Variants in TBC1D1 observed in about 807,000 individuals in gnomAD.
TBC1D1 encodes the protein TBC1 domain family member 1.
TBC1D1 carries 89 observed loss-of-function variants against 125.6 expected under a neutral mutation model. The ratio of observed to expected loss-of-function variants is 0.71; its 90% CI spans 0.60 to 0.85. The LOEUF (loss-of-function observed/expected upper bound fraction) is 0.85, where lower values mean the gene tolerates loss of function less well. Among genes scored for constraint, TBC1D1 ranks in the 40% least tolerant of loss-of-function variants. TBC1D1 has a pLI of 0.00. For missense variants in TBC1D1, 1,377 were observed against 1,469.2 expected (o/e 0.94, Z 1.03); for synonymous variants, 565 against 564.1 (o/e 1.00, Z -0.02).
chr4:38,015,954 G>A (rs1742627759), intron 3 of TBC1D1, among the ~76,000 whole-genome samples: 1 of 152,086 alleles, frequency 6.6e-6, no homozygotes, highest in Admixed American at 6.6e-5. Context: ...GCTTTAATTT[G>A]TGATCTGCAT....
intron 2 of TBC1D1, among the ~76,000 whole-genome samples, chr4:38,003,942 G>A (rs1560600669): frequency 6.6e-6 from 1 of 151,652 alleles, no homozygotes; most frequent in Non-Finnish European, 1.5e-5. Context: ...TTTATTGGGA[G>A]CTATTATAGG....
chr4:38,096,011 G>T lies in TBC1D1; in HGVS notation c.2319G>T (p.Val773=), dbSNP rs765004843. The stretch of plus-strand genomic sequence containing the variant: ...CCTGTCTTAAAGAAGTAACTACAGT[G>T]TGGGAAAAGATGCTTAGCACTCCAG... The change falls in exon 14 of 20, where the codon GTG becomes GTT. Residue 773 remains valine, a synonymous_variant. Coordinates refer to ENST00000261439, the MANE Select transcript of TBC1D1 (RefSeq NM_015173.4). 9 of 1,614,104 alleles carry T rather than the reference G, an allele frequency of 5.6e-6. No homozygotes were observed. The highest frequency in any genetic ancestry group is 1.7e-4 in the Middle Eastern group (1 of 6,060).
chr4:38,028,926 C>A (rs148179930), intron 7 of TBC1D1, among the ~76,000 whole-genome samples: 452 of 152,220 alleles, frequency 3.0e-3, no homozygotes, highest in African/African-American at 0.01. Context: ...TACTTGGAAC[C>A]TGATAATATA....
intron 2 of TBC1D1, among the ~76,000 whole-genome samples, chr4:37,978,542 CTGTT>C (rs762989813): frequency 6.6e-6 from 1 of 152,116 alleles, no homozygotes; most frequent in Non-Finnish European, 1.5e-5. Context: ...TTATGAATAC[CTGTT>C]TGTGAGCAGG....
chr4:37,898,886 C>T (rs116409811), intron 1 of TBC1D1, among the ~76,000 whole-genome samples: 1,616 of 152,222 alleles, frequency 0.011, 28 homozygotes, highest in African/African-American at 0.037. Context: ...AACGGGGAAC[C>T]ATAACTAGTT....
intron 2 of TBC1D1, among the ~76,000 whole-genome samples, chr4:37,957,194 G>A (rs11947030): frequency 0.63 from 96,068 of 152,058 alleles, 31,174 homozygotes; most frequent in East Asian, 0.96. Context: ...TGTGGCAGAC[G>A]TATCTCTTCC....
intron 12 of TBC1D1, among the ~76,000 whole-genome samples, chr4:38,075,556 G>T (rs1433700642): frequency 6.6e-6 from 1 of 152,150 alleles, no homozygotes; most frequent in Admixed American, 6.5e-5. Context: ...TCATCTTGAG[G>T]ACTTCCCCAT....
rs1192061979 is a variant in TBC1D1, at chr4:38,014,461, G to T, written c.418-48G>T. 2 of 1,571,248 alleles carry T rather than the reference G, an allele frequency of 1.3e-6. No homozygotes were observed. Among genetic ancestry groups the T allele is most frequent in the Non-Finnish European group, 1.7e-6 (2 of 1,147,308 alleles). ...AGCATGGTGCATTCATTCCGTGAGT[G>T]CCAGCCACACTGCATGTTCCAAATA... On this transcript the variant is annotated intron_variant, in intron 2 of 19. Coordinates refer to ENST00000261439, the MANE Select transcript of TBC1D1 (RefSeq NM_015173.4). The surrounding 1 kb of genome is among the most constrained non-coding windows in gnomAD (Gnocchi z 5.1).
chr4:38,031,152 C>T (rs1184544772), intron 7 of TBC1D1, among the ~76,000 whole-genome samples: 3 of 152,310 alleles, frequency 2.0e-5, no homozygotes, highest in East Asian at 1.9e-4. Context: ...CTGATCATCT[C>T]AGGATAAGAA....
intron 2 of TBC1D1, among the ~76,000 whole-genome samples, chr4:38,001,546 C>CT (rs146541346): frequency 0.016 from 2,486 of 152,318 alleles, 41 homozygotes; most frequent in Middle Eastern, 0.075. Flanking sequence ...GTTGGTCCCT[C>CT]TGGCAACCAG....
intron 15 of TBC1D1, among the ~76,000 whole-genome samples, chr4:38,108,653 C>T (rs1353903087): frequency 6.6e-6 from 1 of 152,182 alleles, no homozygotes; most frequent in Non-Finnish European, 1.5e-5. Flanking sequence ...ACGTGTGGGT[C>T]ACGGGTCCAG....
At chr4:38,104,097 T>C (rs893265962) in intron 15 of TBC1D1, among the ~76,000 whole-genome samples, 1 of 142,560 alleles carries the variant, frequency 7.0e-6, no homozygotes, top group Admixed American at 7.8e-5. Flanking sequence ...GAGGCGGAGC[T>C]TGCAGTGAGC....
intron 19 of TBC1D1, among the ~76,000 whole-genome samples, chr4:38,134,511 C>A (rs1197434587): frequency 2.0e-5 from 3 of 152,174 alleles, no homozygotes; most frequent in Non-Finnish European, 4.4e-5. Flanking sequence ...GCCTGTCTGG[C>A]CTGTAGGGGT....
chr4:38,123,313 AC>A (rs1231096318), intron 17 of TBC1D1, among the ~76,000 whole-genome samples: 1 of 152,242 alleles, frequency 6.6e-6, no homozygotes, highest in Non-Finnish European at 1.5e-5. Flanking sequence ...AGGAAGTCTC[AC>A]TGTGTAAACC....
intron 2 of TBC1D1, among the ~76,000 whole-genome samples, chr4:37,930,289 G>T (rs1227008179): frequency 1.3e-5 from 2 of 152,160 alleles, no homozygotes; most frequent in Non-Finnish European, 2.9e-5. Flanking sequence ...TTCAAGGTGA[G>T]TAAGAAGAGA....
intron 18 of TBC1D1, among the ~76,000 whole-genome samples, chr4:38,127,785 G>C (rs1764905193): frequency 1.3e-5 from 2 of 152,162 alleles, no homozygotes; most frequent in Non-Finnish European, 2.9e-5. Flanking sequence ...AGAAAGGCAG[G>C]GTCTGTGGGA....
intron 12 of TBC1D1, among the ~76,000 whole-genome samples, chr4:38,083,348 T>C (rs1278478999): frequency 1.3e-5 from 2 of 152,212 alleles, no homozygotes; most frequent in African/African-American, 4.8e-5. Flanking sequence ...TACTATCTGG[T>C]CGTTAGACAA....
intron 19 of TBC1D1, among the ~76,000 whole-genome samples, chr4:38,136,097 T>A (rs1766566977): frequency 6.6e-6 from 1 of 152,006 alleles, no homozygotes; most frequent in Admixed American, 6.6e-5. Flanking sequence ...CTCAGGGACA[T>A]CAGCATACAT....
intron 2 of TBC1D1, among the ~76,000 whole-genome samples, chr4:38,004,776 C>T (rs1198541736): frequency 1.3e-5 from 2 of 152,194 alleles, no homozygotes; most frequent in Admixed American, 1.3e-4. Context: ...TTATGTTTTC[C>T]TGTTTTTCTT....
Sources: gnomAD v4.1 joint callset for allele counts (sites outside exome capture counted in the v4.1 genomes callset) on GRCh38, gnomAD v4.1.1 for gene constraint, Gnocchi (gnomAD v3.1) non-coding constraint, MANE v1.5 for transcripts, NCBI Gene and HGNC (gene_info 2026-07-23, HGNC 2026-07-21) for gene names.